Variants in SYNPO2 observed in about 807,000 individuals in gnomAD.
SYNPO2 encodes synaptopodin-2.
In SYNPO2, 56 loss-of-function variants were observed where a neutral mutation model predicts 85.0. The ratio of observed to expected loss-of-function variants is 0.66; its 90% CI spans 0.53 to 0.82. The LOEUF (loss-of-function observed/expected upper bound fraction) is 0.82. Ranked by LOEUF, SYNPO2 falls within the 40% of genes least tolerant of loss-of-function variation. The probability of loss-of-function intolerance (pLI) is 0.00; values close to 1 mark genes in which losing one functional copy is unlikely to be tolerated. For synonymous variants in SYNPO2, 602 were observed against 591.1 expected, an observed-to-expected ratio of 1.02 and a Z score of -0.27; for missense variants, 1,575 against 1,534.2, an observed-to-expected ratio of 1.03 and a Z score of -0.44.
chr4:118,957,837 G>A (rs1361805796), intron 1 of SYNPO2, among the ~76,000 whole-genome samples: 1 of 152,208 alleles, frequency 6.6e-6, no homozygotes, highest in African/African-American at 2.4e-5. Flanking sequence ...GGGCCTTAGA[G>A]AGAGGCAAAC....
chr4:119,020,979 T>TA (rs1459073257), intron 1 of SYNPO2, among the ~76,000 whole-genome samples: 1 of 30,302 alleles, frequency 3.3e-5, no homozygotes, highest in Non-Finnish European at 7.4e-5. Flanking sequence ...CTTGGAATAT[T>TA]GGTTCATTTA....
chr4:119,004,242 A>G lies in SYNPO2; in HGVS notation c.106-19188A>G, dbSNP rs537664530. On this transcript the variant is annotated intron_variant, in intron 1 of 4. Coordinates refer to ENST00000307142, the MANE Select transcript of SYNPO2 (RefSeq NM_133477.3). ...AAATTACCTTTTTTTAAAAAAAAGT[A>G]TACTTTAAGTTTTAGGGTACATGTG... Among the ~76,000 whole-genome samples the G allele has an allele frequency of 1.2e-4, 18 of 152,278 alleles. No individual in the cohort carries two copies. In the South Asian group the frequency reaches 3.7e-3, roughly 32 times the overall value.
chr4:118,985,321 G>A (rs898857735), intron 1 of SYNPO2, among the ~76,000 whole-genome samples: 5 of 152,260 alleles, frequency 3.3e-5, no homozygotes, highest in African/African-American at 4.8e-5. Flanking sequence ...GCTATGCCTC[G>A]TGCTCCTGGA....
intron 1 of SYNPO2, among the ~76,000 whole-genome samples, chr4:118,890,501 A>G (rs1218759277): frequency 6.6e-6 from 1 of 152,170 alleles, no homozygotes; most frequent in Non-Finnish European, 1.5e-5. Context: ...TTTAGGAGTC[A>G]ATAGCAGGCA....
chr4:118,964,113 CA>C (rs935548199), intron 1 of SYNPO2, among the ~76,000 whole-genome samples: 7 of 152,062 alleles, frequency 4.6e-5, no homozygotes, highest in African/African-American at 1.7e-4. Flanking sequence ...GAGCAGGTGC[CA>C]AGGAAGTTTT....
At chr4:119,014,714 C>T (rs1737461632) in intron 1 of SYNPO2, among the ~76,000 whole-genome samples, 1 of 152,154 alleles carries the variant, frequency 6.6e-6, no homozygotes, top group South Asian at 2.1e-4. Context: ...ATCACATACT[C>T]TTAAACACCG....
intron 1 of SYNPO2, among the ~76,000 whole-genome samples, chr4:118,890,733 C>CTCTCTCTGTGTG (rs749295331): frequency 0.026 from 3,215 of 125,906 alleles, 71 homozygotes; most frequent in Non-Finnish European, 0.035. Flanking sequence ...CTCTCTCTCT[C>CTCTCTCTGTGTG]TGTGTGTGTG....
At chr4:118,888,659 G>A (rs1732254461), upstream of SYNPO2, among the ~76,000 whole-genome samples, 1 of 152,152 alleles carries the variant, frequency 6.6e-6, no homozygotes, top group African/African-American at 2.4e-5. Flanking sequence ...GATTTAATCT[G>A]TTAGTGCAAG....
chr4:119,049,901 T>C (rs1578677453), intron 4 of SYNPO2, among the ~76,000 whole-genome samples: 1 of 152,346 alleles, frequency 6.6e-6, no homozygotes, highest in East Asian at 1.9e-4. Context: ...CCCGGTCACC[T>C]GCCTGTTCTT....
rs140112493 is a variant in SYNPO2, at chr4:118,926,363, G to A, written c.105+37222G>A. The stretch of plus-strand genomic sequence containing the variant: ...TTTTATATATGTATGGAGCTGCTGG[G>A]AAGCTATTTCAACAGTGGAATATAA... On this transcript the variant is annotated intron_variant, in intron 1 of 4. Coordinates refer to ENST00000307142, the MANE Select transcript of SYNPO2 (RefSeq NM_133477.3). Among the ~76,000 whole-genome samples, 134 of 152,296 alleles carry A rather than the reference G, an allele frequency of 8.8e-4. 1 individual carries two copies. Among genetic ancestry groups the A allele is most frequent in the Non-Finnish European group, 1.8e-3 (120 of 68,030 alleles).
intron 1 of SYNPO2, among the ~76,000 whole-genome samples, chr4:118,862,238 T>C (rs1048630193): frequency 2.0e-5 from 3 of 152,170 alleles, no homozygotes; most frequent in Admixed American, 2.0e-4. Flanking sequence ...TTTGGTGGAG[T>C]CTAGTTTTTT....
chr4:118,930,045 A>G (rs1333813656), intron 1 of SYNPO2, among the ~76,000 whole-genome samples: 2 of 152,150 alleles, frequency 1.3e-5, no homozygotes, highest in African/African-American at 4.8e-5. Flanking sequence ...GAATTTGCAG[A>G]TAATCTGCTG....
At position 119,026,961 on chromosome 4, in the gene SYNPO2, G is replaced by A; in HGVS notation, c.592G>A (p.Glu198Lys). The A allele has an allele frequency of 6.2e-7, 1 of 1,614,186 alleles. No individual in the cohort carries two copies. The highest frequency in any genetic ancestry group is 8.5e-7 in the Non-Finnish European group (1 of 1,180,036). Residue 198 changes from glutamate to lysine, a missense_variant, in exon 3 of 5, where the codon GAG becomes AAG. By Grantham distance (56) the Glu-to-Lys change is moderately conservative. This residue lies in a region of SYNPO2 where 1,508 missense variants were observed against 1,446.8 expected (regional missense o/e 1.04). Coordinates refer to ENST00000307142, the MANE Select transcript of SYNPO2 (RefSeq NM_133477.3). ...VEAVQPGPVV[E>K]LQLSLSQERH... Reference sequence around the variant, plus strand: ...AGCGGTACAGCCTGGGCCTGTGGTTGAGCTGCAACTGTCCCTTTCACAGGA... The same window carrying A: ...AGCGGTACAGCCTGGGCCTGTGGTTAAGCTGCAACTGTCCCTTTCACAGGA...
intron 1 of SYNPO2, among the ~76,000 whole-genome samples, chr4:118,965,642 A>G (rs62327807): frequency 2.6e-5 from 4 of 152,120 alleles, no homozygotes; most frequent in Non-Finnish European, 4.4e-5. Context: ...ACTATGATTC[A>G]TTTATTCAGT....
chr4:119,046,473 T>C (rs1486974544), intron 4 of SYNPO2, among the ~76,000 whole-genome samples: 3 of 152,204 alleles, frequency 2.0e-5, no homozygotes, highest in Non-Finnish European at 1.5e-5. Context: ...CGTGCACTGC[T>C]AATGCCACTT....
intron 1 of SYNPO2, among the ~76,000 whole-genome samples, chr4:118,872,082 A>G (rs1731813407): frequency 6.6e-6 from 1 of 152,232 alleles, no homozygotes; most frequent in South Asian, 2.1e-4. Context: ...AGCTTCACTC[A>G]GGAATGCATT....
intron 1 of SYNPO2, among the ~76,000 whole-genome samples, chr4:118,922,170 A>T (rs1216332833): frequency 1.3e-5 from 2 of 152,024 alleles, no homozygotes; most frequent in African/African-American, 4.8e-5. Context: ...CTTGAGTGTA[A>T]TTTTTTAGCC....
intron 1 of SYNPO2, among the ~76,000 whole-genome samples, chr4:118,980,344 G>A (rs1231618906): frequency 6.6e-6 from 1 of 152,050 alleles, no homozygotes; most frequent in African/African-American, 2.4e-5. Flanking sequence ...ACTATTCCTT[G>A]ACCAGAACCA....
At chr4:118,927,676 T>C (rs942537763) in intron 1 of SYNPO2, among the ~76,000 whole-genome samples, 24 of 151,650 alleles carry the variant, frequency 1.6e-4, no homozygotes, top group African/African-American at 5.6e-4. Context: ...TGCTGCTACC[T>C]AGTAATTGTT....
Sources: gnomAD v4.1 joint callset for allele counts (sites outside exome capture counted in the v4.1 genomes callset) on GRCh38, gnomAD v4.1.1 for gene constraint, gnomAD v4.1.1 regional missense constraint, MANE v1.5 for transcripts, NCBI Gene and HGNC (gene_info 2026-07-23, HGNC 2026-07-21) for gene names.